The following SUPT3H variants were observed in gnomAD, a reference collection of about 807,000 sequenced individuals.
SUPT3H encodes SPT3 homolog, SAGA and STAGA complex component, also known as transcription initiation protein SPT3 homolog.
A neutral mutation model predicts 44.3 loss-of-function variants in SUPT3H; 44 were observed. The ratio of observed to expected loss-of-function variants is 0.99; its 90% confidence interval spans 0.78 to 1.28. The LOEUF is 1.28. SUPT3H is among the 50% of genes most tolerant of loss of function. SUPT3H has a pLI of 0.00. For missense variants in SUPT3H, 380 were observed against 387.1 expected, an observed-to-expected ratio of 0.98 and a Z score of 0.15; for synonymous variants, 124 against 125.6, an observed-to-expected ratio of 0.99 and a Z score of 0.09.
intron 10 of SUPT3H, among the ~76,000 whole-genome samples, chr6:44,861,474 C>A (rs1318303387): frequency 6.6e-6 from 1 of 151,898 alleles, no homozygotes; most frequent in Non-Finnish European, 1.5e-5. Context: ...ACAACCTCCG[C>A]CTCCTGGATT....
intron 2 of SUPT3H, among the ~76,000 whole-genome samples, chr6:45,142,018 A>G (rs1387628274): frequency 6.6e-6 from 1 of 152,220 alleles, no homozygotes; most frequent in African/African-American, 2.4e-5. Context: ...CCTATAAGGG[A>G]AATTTCCCCT....
intron 4 of SUPT3H, among the ~76,000 whole-genome samples, chr6:45,016,018 A>G (rs1199538772): frequency 6.6e-6 from 1 of 152,150 alleles, no homozygotes; most frequent in Non-Finnish European, 1.5e-5. Flanking sequence ...AGTACACTCT[A>G]AAATAATGAT....
At position 44,884,303 on chromosome 6, in the gene SUPT3H, G is replaced by A. The variant is rs190140575; in HGVS notation, c.912+48350C>T. Among the ~76,000 whole-genome samples, 227 of 152,268 alleles carry A rather than the reference G, an allele frequency of 1.5e-3. 1 individual carries two copies. Among genetic ancestry groups the A allele is most frequent in the Non-Finnish European group, 2.2e-3 (151 of 68,040 alleles). On this transcript the variant is annotated intron_variant, in intron 10 of 10. Transcript: ENST00000371459. ...AGAAATGCAAATCAAACCATAATGAGATACCATCTCACGCCAGTTAGAATG... is the reference window on the plus strand; with the variant it reads ...AGAAATGCAAATCAAACCATAATGAAATACCATCTCACGCCAGTTAGAATG...
At chr6:45,068,684 C>G (rs904230311) in intron 3 of SUPT3H, among the ~76,000 whole-genome samples, 6 of 152,126 alleles carry the variant, frequency 3.9e-5, no homozygotes, top group African/African-American at 1.4e-4. Context: ...GAATTGCTGT[C>G]AAACATCAAC....
chr6:45,028,439 T>C (rs1215258475), intron 3 of SUPT3H, among the ~76,000 whole-genome samples: 1 of 126,304 alleles, frequency 7.9e-6, no homozygotes, highest in Non-Finnish European at 1.6e-5. Flanking sequence ...CTACCCACTT[T>C]AAGCTTTCAG....
At chr6:44,886,450 G>T (rs1479780693) in intron 10 of SUPT3H, among the ~76,000 whole-genome samples, 1 of 152,172 alleles carries the variant, frequency 6.6e-6, no homozygotes, top group African/African-American at 2.4e-5. Flanking sequence ...AGAAGAGAGT[G>T]GGGGCTAATA....
At chr6:44,879,913 C>T (rs577418915) in intron 10 of SUPT3H, among the ~76,000 whole-genome samples, 1 of 152,184 alleles carries the variant, frequency 6.6e-6, no homozygotes, top group South Asian at 2.1e-4. Flanking sequence ...ACTCAAAAGC[C>T]CCATCTGAAG....
intron 3 of SUPT3H, among the ~76,000 whole-genome samples, chr6:45,059,870 T>C (rs932186273): frequency 6.6e-6 from 1 of 151,976 alleles, no homozygotes; most frequent in Non-Finnish European, 1.5e-5. Context: ...ATAAAATACC[T>C]GGGAATATAG....
chr6:45,133,716 T>C (rs1270566798), intron 2 of SUPT3H, among the ~76,000 whole-genome samples: 1 of 152,196 alleles, frequency 6.6e-6, no homozygotes, highest in Non-Finnish European at 1.5e-5. Flanking sequence ...TCTATTTATA[T>C]GGTAGTTCAA....
At chr6:45,084,185 T>C (rs1426923331) in intron 3 of SUPT3H, among the ~76,000 whole-genome samples, 1 of 152,054 alleles carries the variant, frequency 6.6e-6, no homozygotes, top group Non-Finnish European at 1.5e-5. Context: ...CAAAAGAAAC[T>C]ATTGACAGAG....
rs147027545 is a variant in SUPT3H, at chr6:44,837,825, T to C, written c.913-7968A>G. On this transcript the variant is annotated intron_variant, in intron 10 of 10. Coordinates refer to ENST00000371459, the MANE Select transcript of SUPT3H (RefSeq NM_003599.4). The stretch of plus-strand genomic sequence containing the variant: ...TAATCAACAGTAAGTTTGTAGTAGA[T>C]AATATAATTTTTTTTACAATCTTGG... 4.6e-5 allele frequency among the ~76,000 whole-genome samples: 7 copies of C among 152,324 alleles called. No homozygotes were observed. The East Asian group carries it at 1.3e-3, about 29-fold the overall frequency.
intron 2 of SUPT3H, among the ~76,000 whole-genome samples, chr6:45,111,253 G>A (rs1800012978): frequency 1.3e-5 from 2 of 151,908 alleles, no homozygotes; most frequent in South Asian, 2.1e-4. Flanking sequence ...GGCTGGTCTC[G>A]AACTCCTGAC....
rs182016351 is a variant in SUPT3H at position 44,866,029 on chromosome 6, G to A, written c.913-36172C>T. Among the ~76,000 whole-genome samples the A allele has an allele frequency of 9.9e-5, 15 of 151,726 alleles. No homozygotes were observed. The East Asian group carries it at 2.5e-3, about 26-fold the overall frequency. On this transcript the variant is annotated intron_variant, in intron 10 of 10. Transcript: ENST00000371459. Reference sequence around the variant, plus strand: ...ATCAGTACTTTCTCCTCAGAAACAGGTCTAAGAGAGATAACAGGAATTAAA... The same window carrying A: ...ATCAGTACTTTCTCCTCAGAAACAGATCTAAGAGAGATAACAGGAATTAAA...
Position 44,954,616 on chromosome 6 carries a change from T to C in SUPT3H, c.581-9A>G. 6.3e-7 allele frequency: 1 copy of C among 1,586,192 alleles called. No individual in the cohort carries two copies. The highest frequency in any genetic ancestry group is 8.6e-7 in the Non-Finnish European group (1 of 1,157,900). On this transcript the variant is annotated splice_polypyrimidine_tract_variant and intron_variant, in intron 7 of 10. Transcript: ENST00000371459. Reference sequence around the variant, plus strand: ...TTTGGAAGCTTTTTTGGCTGGCCATTTAAAAAAAACAAGTGCAGAAATTTT... The same window carrying C: ...TTTGGAAGCTTTTTTGGCTGGCCATCTAAAAAAAACAAGTGCAGAAATTTT...
At chr6:44,955,846 C>A (rs112601878) in intron 7 of SUPT3H, among the ~76,000 whole-genome samples, 1 of 152,096 alleles carries the variant, frequency 6.6e-6, no homozygotes, top group Non-Finnish European at 1.5e-5. Context: ...GTAGGCTGGG[C>A]GCGGTGGCTC....
chr6:45,096,546 A>G (rs1797806827), intron 3 of SUPT3H, among the ~76,000 whole-genome samples: 1 of 152,182 alleles, frequency 6.6e-6, no homozygotes, highest in Non-Finnish European at 1.5e-5. Context: ...GAAGCACTGG[A>G]TAAGAATTAT....
intron 4 of SUPT3H, among the ~76,000 whole-genome samples, chr6:45,015,427 C>T (rs982358309): frequency 6.6e-6 from 1 of 151,886 alleles, no homozygotes; most frequent in African/African-American, 2.4e-5. Flanking sequence ...GCTTGTAGGA[C>T]CTGAAGTTGC....
chr6:45,110,965 TAAC>T (rs1281416412), intron 2 of SUPT3H, among the ~76,000 whole-genome samples: 3 of 149,666 alleles, frequency 2.0e-5, no homozygotes, highest in Non-Finnish European at 3.0e-5. Flanking sequence ...ATTAATATAA[TAAC>T]AAAACAGCAT....
chr6:45,182,246 T>C (rs897285820), intron 2 of SUPT3H, among the ~76,000 whole-genome samples: 1 of 152,112 alleles, frequency 6.6e-6, no homozygotes, highest in African/African-American at 2.4e-5. Context: ...TTGTTTGCCT[T>C]TTTTATTTTT....
Sources: gnomAD v4.1 joint callset for allele counts (sites outside exome capture counted in the v4.1 genomes callset) on GRCh38, gnomAD v4.1.1 for gene constraint, MANE v1.5 for transcripts, NCBI Gene and HGNC (gene_info 2026-07-23, HGNC 2026-07-21) for gene names.